The following NRXN3 variants were observed in gnomAD, a reference collection of about 807,000 sequenced individuals.
NRXN3 encodes the protein neurexin 3.
In NRXN3, 32 loss-of-function variants were observed where a neutral mutation model predicts 137.6. The observed-to-expected ratio is 0.23, with a 90% CI of 0.18 to 0.31. The LOEUF (loss-of-function observed/expected upper bound fraction) is 0.31, where lower values mean the gene tolerates loss of function less well. Ranked by LOEUF, NRXN3 falls within the 10% of genes least tolerant of loss-of-function variation. The pLI is 1.00. For missense variants in NRXN3, 1,574 were observed against 2,062.5 expected (o/e 0.76, Z 4.59); for synonymous variants, 798 against 784.5 (o/e 1.02, Z -0.29).
intron 4 of NRXN3, among the ~76,000 whole-genome samples, chr14:78,533,436 G>A (rs1022242865): frequency 1.3e-5 from 2 of 152,050 alleles, no homozygotes; most frequent in African/African-American, 4.8e-5. Flanking sequence ...AAGCTGACCT[G>A]ATTAAAATCT....
At chr14:78,208,513 GCC>G (rs2062426869) in intron 1 of NRXN3, among the ~76,000 whole-genome samples, 2 of 152,084 alleles carry the variant, frequency 1.3e-5, no homozygotes, top group Non-Finnish European at 2.9e-5. Flanking sequence ...CAGATCAAAT[GCC>G]TCCTCTCTGA....
intron 15 of NRXN3, among the ~76,000 whole-genome samples, chr14:79,437,415 T>TAAA (rs1224944515): frequency 2.9e-5 from 4 of 137,096 alleles, no homozygotes; most frequent in Admixed American, 7.3e-5. Context: ...ATGTGCGTTC[T>TAAA]AAAAAAAAAA....
intron 15 of NRXN3, among the ~76,000 whole-genome samples, chr14:79,445,650 G>A (rs534510776): frequency 1.3e-5 from 2 of 152,280 alleles, no homozygotes; most frequent in African/African-American, 2.4e-5. Flanking sequence ...ATAAGAAGAG[G>A]CCAGCCATGC....
At chr14:79,295,591 GCAGTGA>G (rs748695083) in intron 15 of NRXN3, among the ~76,000 whole-genome samples, 19 of 152,020 alleles carry the variant, frequency 1.2e-4, no homozygotes, top group Admixed American at 3.9e-4. Context: ...AGTACCTAAG[GCAGTGA>G]CTGGCAAAGA....
chr14:78,328,478 T>C (rs1251294356), intron 4 of NRXN3, among the ~76,000 whole-genome samples: 1 of 152,122 alleles, frequency 6.6e-6, no homozygotes, highest in Admixed American at 6.5e-5. Flanking sequence ...AATTATTCCA[T>C]GTAATAGAAC....
At chr14:78,918,020 T>A (rs1428415989) in intron 10 of NRXN3, among the ~76,000 whole-genome samples, 2 of 142,054 alleles carry the variant, frequency 1.4e-5, no homozygotes, top group Admixed American at 1.4e-4. Flanking sequence ...GCATGGTAGC[T>A]CACGCCTGTA....
At chr14:79,590,575 A>G (rs1205330124) in intron 16 of NRXN3, among the ~76,000 whole-genome samples, 1 of 152,198 alleles carries the variant, frequency 6.6e-6, no homozygotes, top group African/African-American at 2.4e-5. Flanking sequence ...TAGGCATCAC[A>G]TGATATCTAA....
chr14:79,020,565 G>A (rs1039203604), intron 15 of NRXN3, among the ~76,000 whole-genome samples: 6 of 151,406 alleles, frequency 4.0e-5, no homozygotes, highest in Admixed American at 6.6e-5. Flanking sequence ...ACGCCTGGCC[G>A]ACTTCAAGGT....
intron 4 of NRXN3, among the ~76,000 whole-genome samples, chr14:78,456,113 C>CGATCTG (rs1274770366): frequency 1.3e-5 from 2 of 152,216 alleles, no homozygotes; most frequent in African/African-American, 4.8e-5. Flanking sequence ...GTGTCTGGCA[C>CGATCTG]GATCTGTCTT....
intron 1 of NRXN3, among the ~76,000 whole-genome samples, chr14:78,199,870 C>T (rs1415137725): frequency 6.6e-6 from 1 of 152,180 alleles, no homozygotes; most frequent in Non-Finnish European, 1.5e-5. Flanking sequence ...GGGAGGAACT[C>T]CATACATTAT....
chr14:78,702,452 T>TTTTCTTTTTTTTC (rs1377986539), intron 6 of NRXN3, among the ~76,000 whole-genome samples: 1 of 7,518 alleles, frequency 1.3e-4, no homozygotes, highest in Non-Finnish European at 8.9e-4. Flanking sequence ...TTTTCTTTTC[T>TTTTCTTTTTTTTC]TATTTTTTTT....
chr14:79,719,402 G>GTATATATATGTGTGTGTA (rs5741998), intron 19 of NRXN3, among the ~76,000 whole-genome samples: 5,163 of 142,276 alleles, frequency 0.036, 121 homozygotes, highest in Non-Finnish European at 0.054. Flanking sequence ...ATATATGTGT[G>GTATATATATGTGTGTGTA]TATATATATA....
chr14:78,346,365 C>A (rs2082735867), intron 4 of NRXN3, among the ~76,000 whole-genome samples: 2 of 152,182 alleles, frequency 1.3e-5, no homozygotes, highest in Admixed American at 1.3e-4. Context: ...CCTACCTGGT[C>A]TCCTGGTCTG....
chr14:78,733,262 T>C (rs1374319105), intron 8 of NRXN3, among the ~76,000 whole-genome samples: 1 of 151,520 alleles, frequency 6.6e-6, no homozygotes, highest in Non-Finnish European at 1.5e-5. Flanking sequence ...CACATTGTTG[T>C]TGACGGTGAT....
At chr14:78,440,089 C>T (rs774434611) in intron 4 of NRXN3, among the ~76,000 whole-genome samples, 3 of 152,224 alleles carry the variant, frequency 2.0e-5, no homozygotes, top group Admixed American at 6.5e-5. Context: ...AGTAGAAGGC[C>T]GCATTTGTTT....
At chr14:79,834,112 G>C (rs1261587970) in intron 20 of NRXN3, among the ~76,000 whole-genome samples, 1 of 152,128 alleles carries the variant, frequency 6.6e-6, no homozygotes, top group African/African-American at 2.4e-5. Context: ...TATATAGACA[G>C]ACTGGCAATC....
At chr14:78,460,763 A>G (rs1472903993) in intron 4 of NRXN3, among the ~76,000 whole-genome samples, 1 of 152,170 alleles carries the variant, frequency 6.6e-6, no homozygotes, top group Non-Finnish European at 1.5e-5. Flanking sequence ...ATTAGTTGGT[A>G]TGTGACTAAT....
intron 19 of NRXN3, among the ~76,000 whole-genome samples, chr14:79,701,487 G>A (rs2098754351): frequency 6.6e-6 from 1 of 151,984 alleles, no homozygotes; most frequent in Admixed American, 6.6e-5. Context: ...GGGAAGATGG[G>A]ACTCAGCAGG....
At chr14:79,138,111 A>T (rs994411494) in intron 15 of NRXN3, among the ~76,000 whole-genome samples, 13 of 152,244 alleles carry the variant, frequency 8.5e-5, no homozygotes, top group African/African-American at 3.1e-4. Flanking sequence ...TGAATAGGAC[A>T]TGGGAACAGG....
Sources: allele counts gnomAD v4.1 joint callset (sites outside exome capture counted in the v4.1 genomes callset), GRCh38; gene constraint gnomAD v4.1.1; transcripts MANE v1.5; gene names NCBI Gene and HGNC (gene_info 2026-07-23, HGNC 2026-07-21).